Variants in MOXD1 observed in about 807,000 individuals in gnomAD.
MOXD1 encodes monooxygenase DBH like 1.
A neutral mutation model predicts 66.6 loss-of-function variants in MOXD1; 62 were observed. The observed-to-expected ratio is 0.93, with a 90% CI of 0.76 to 1.15. The LOEUF is 1.15. Among genes scored for constraint, MOXD1 ranks in the 50% most tolerant of loss-of-function variants. The pLI is 0.00. For synonymous variants in MOXD1, 303 were observed against 281.9 expected (o/e 1.07, Z -0.75); for missense variants, 847 against 754.6 (o/e 1.12, Z -1.44).
At chr6:132,338,667 A>G (rs1775488787) in intron 4 of MOXD1, among the ~76,000 whole-genome samples, 1 of 152,222 alleles carries the variant, frequency 6.6e-6, no homozygotes, top group African/African-American at 2.4e-5. Flanking sequence ...AAGGGGATAC[A>G]TTTCAAATAA....
chr6:132,315,370 C>G (rs1040214975), intron 10 of MOXD1, among the ~76,000 whole-genome samples: 3 of 152,150 alleles, frequency 2.0e-5, no homozygotes, highest in African/African-American at 7.2e-5. Context: ...GCTTTGCATG[C>G]TTTCACCATA....
intron 4 of MOXD1, among the ~76,000 whole-genome samples, chr6:132,372,158 T>C (rs1223887692): frequency 1.3e-5 from 2 of 152,224 alleles, no homozygotes; most frequent in Non-Finnish European, 1.5e-5. Flanking sequence ...ACTAATTTTC[T>C]TTTTTCTATT....
chr6:132,380,559 T>C (rs1296234736), intron 1 of MOXD1, among the ~76,000 whole-genome samples: 1 of 152,224 alleles, frequency 6.6e-6, no homozygotes, highest in African/African-American at 2.4e-5. Context: ...GAAGTGATCA[T>C]TCCCTCTCTG....
In MOXD1 at chr6:132,297,333, C is replaced by A. The variant is rs1397113259; in HGVS notation, c.1678-16G>T. 6.2e-7 allele frequency: 1 copy of A among 1,610,088 alleles called. No homozygotes were observed. Among genetic ancestry groups the A allele is most frequent in the African/African-American group, 1.3e-5 (1 of 74,772 alleles). On this transcript the variant is annotated splice_polypyrimidine_tract_variant and intron_variant, in intron 11 of 11. Transcript: ENST00000367963. ...TTCCTTGAATCTGAAAATGGAAGCA[C>A]AAACAATGCAAATGAACATCTGATT...
intron 1 of MOXD1, among the ~76,000 whole-genome samples, chr6:132,393,328 T>G (rs758192861): frequency 6.6e-6 from 1 of 152,128 alleles, no homozygotes; most frequent in Non-Finnish European, 1.5e-5. Context: ...GGAGCTAAAA[T>G]AGCAATTAGA....
At chr6:132,303,626 AT>A (rs907882537) in intron 10 of MOXD1, among the ~76,000 whole-genome samples, 1 of 149,882 alleles carries the variant, frequency 6.7e-6, no homozygotes, top group African/African-American at 2.5e-5. Context: ...TTTTTCAAAC[AT>A]TTTTTATCTG....
intron 4 of MOXD1, among the ~76,000 whole-genome samples, chr6:132,349,491 A>G (rs1775759788): frequency 1.7e-5 from 2 of 121,110 alleles, no homozygotes; most frequent in African/African-American, 3.1e-5. Context: ...ACATATATAT[A>G]TATACCACAG....
chr6:132,305,516 A>T lies in MOXD1; in HGVS notation c.1509-7561T>A, dbSNP rs182931943. ...GCACACACCCTCCACCAAGGGACAA[A>T]GTGCTTTGTAAAATGAGTCCTGTTC... On this transcript the variant is annotated intron_variant, in intron 10 of 11. Coordinates refer to ENST00000367963, the MANE Select transcript of MOXD1 (RefSeq NM_015529.4). 3.4e-3 allele frequency among the ~76,000 whole-genome samples: 517 copies of T among 152,336 alleles called. 2 individuals carry two copies. The highest frequency in any genetic ancestry group is 0.012 in the African/African-American group (494 of 41,590).
intron 4 of MOXD1, among the ~76,000 whole-genome samples, chr6:132,342,475 G>T (rs1775584817): frequency 6.6e-6 from 1 of 152,144 alleles, no homozygotes; most frequent in Non-Finnish European, 1.5e-5. Flanking sequence ...TGGAGTAACA[G>T]TTCATTGTTT....
At chr6:132,307,527 C>T (rs1041238892) in intron 10 of MOXD1, among the ~76,000 whole-genome samples, 34 of 152,200 alleles carry the variant, frequency 2.2e-4, no homozygotes, top group African/African-American at 6.3e-4. Context: ...ACCTAGTAGA[C>T]GTCTACCGAA....
chr6:132,299,787 C>G lies in MOXD1; in HGVS notation c.1509-1832G>C, dbSNP rs1489706747. Among the ~76,000 whole-genome samples the G allele has an allele frequency of 3.9e-5, 6 of 152,120 alleles. No individual in the cohort carries two copies. The East Asian group carries it at 1.2e-3, about 29-fold the overall frequency. On this transcript the variant is annotated intron_variant, in intron 10 of 11. Coordinates refer to ENST00000367963, the MANE Select transcript of MOXD1 (RefSeq NM_015529.4). ...AGAAAGTATCTGGCACTCATAACAT[C>G]CCAAGATGTTACAGTAATTTCTATA...
chr6:132,340,441 CTTT>C lies in MOXD1; in HGVS notation c.664-11850_664-11848del, dbSNP rs71868555. Among the ~76,000 whole-genome samples, 305 of 106,258 alleles carry C rather than the reference CTTT, an allele frequency of 2.9e-3. 2 individuals carry two copies. Among genetic ancestry groups the C allele is most frequent in the African/African-American group, 0.01 (285 of 27,736 alleles). 69.7% of individuals were successfully genotyped at this position (106,258 alleles called of 152,430 possible). Reference sequence around the variant, plus strand: ...GAGCACTGGCAGCAAGCAACACTTTCTTTTTTTTTTTTTTTTTTTTTCTAAATG... The same window carrying C: ...GAGCACTGGCAGCAAGCAACACTTTCTTTTTTTTTTTTTTTTTTCTAAATG... On this transcript the variant is annotated intron_variant, in intron 4 of 11. Coordinates refer to ENST00000367963, the MANE Select transcript of MOXD1 (RefSeq NM_015529.4).
intron 1 of MOXD1, among the ~76,000 whole-genome samples, chr6:132,385,502 G>C (rs1419802843): frequency 9.2e-6 from 1 of 108,400 alleles, no homozygotes; most frequent in Non-Finnish European, 1.9e-5. Flanking sequence ...ATTATTATTA[G>C]AGACACAGTT....
chr6:132,390,472 C>T (rs984204608), intron 1 of MOXD1: 5 of 151,540 alleles, frequency 3.3e-5, no homozygotes, highest in African/African-American at 4.8e-5. Context: ...GCACTTAGTA[C>T]TTTCTGATGT....
chr6:132,382,518 T>G (rs997099961), intron 1 of MOXD1, among the ~76,000 whole-genome samples: 3 of 152,128 alleles, frequency 2.0e-5, no homozygotes, highest in African/African-American at 4.8e-5. Flanking sequence ...TTATATTGAT[T>G]ATGTATTTAG....
chr6:132,342,405 C>T (rs1233480087), intron 4 of MOXD1, among the ~76,000 whole-genome samples: 8 of 152,198 alleles, frequency 5.3e-5, no homozygotes, highest in Non-Finnish European at 2.9e-5. Flanking sequence ...TACAATTTAT[C>T]ACATATGTAA....
intron 4 of MOXD1, among the ~76,000 whole-genome samples, chr6:132,349,436 C>CACATATAT (rs1554234258): frequency 5.8e-5 from 1 of 17,328 alleles, no homozygotes; most frequent in African/African-American, 1.4e-4. Context: ...TATATATATA[C>CACATATAT]ATATATATAT....
chr6:132,318,145 TTA>T (rs1261557055), intron 9 of MOXD1, among the ~76,000 whole-genome samples: 1 of 152,074 alleles, frequency 6.6e-6, no homozygotes, highest in Non-Finnish European at 1.5e-5. Context: ...TCCTATATTA[TTA>T]TATGTTACTA....
intron 1 of MOXD1, among the ~76,000 whole-genome samples, chr6:132,386,423 CA>C (rs1221040038): frequency 1.5e-4 from 12 of 79,216 alleles, no homozygotes; most frequent in African/African-American, 4.1e-4. Context: ...CAAAACAAAA[CA>C]AAACAAAACA....
Sources: gnomAD v4.1 joint callset for allele counts (sites outside exome capture counted in the v4.1 genomes callset) on GRCh38, gnomAD v4.1.1 for gene constraint, MANE v1.5 for transcripts, NCBI Gene and HGNC (gene_info 2026-07-23, HGNC 2026-07-21) for gene names.